The following LDLRAD3 variants were observed in gnomAD, a reference collection of about 807,000 sequenced individuals.
LDLRAD3 encodes the protein low density lipoprotein receptor class A domain containing 3, also known as low-density lipoprotein receptor class A domain-containing protein 3.
A neutral mutation model predicts 29.4 loss-of-function variants in LDLRAD3; 20 were observed. The ratio of observed to expected loss-of-function variants is 0.68; its 90% CI spans 0.48 to 0.99. LDLRAD3 has a LOEUF of 0.99. Among genes scored for constraint, LDLRAD3 ranks in the 50% least tolerant of loss-of-function variants. The pLI is 0.00. For missense variants in LDLRAD3, 420 were observed against 454.3 expected (o/e 0.92, Z 0.69); for synonymous variants, 157 against 192.7 (o/e 0.81, Z 1.53).
intron 2 of LDLRAD3, among the ~76,000 whole-genome samples, chr11:36,059,962 A>C (rs1337534495): frequency 6.6e-6 from 1 of 152,222 alleles, no homozygotes; most frequent in African/African-American, 2.4e-5. Flanking sequence ...GAGACTAAAA[A>C]GTCTAAGTGC....
chr11:36,038,950 A>G (rs867901753), intron 2 of LDLRAD3, among the ~76,000 whole-genome samples: 2 of 148,252 alleles, frequency 1.3e-5, no homozygotes, highest in South Asian at 4.3e-4. Flanking sequence ...AACAAATTCT[A>G]CTTTCATTTA....
intron 3 of LDLRAD3, among the ~76,000 whole-genome samples, chr11:36,089,091 T>C (rs1374696043): frequency 6.6e-6 from 1 of 152,152 alleles, no homozygotes; most frequent in Non-Finnish European, 1.5e-5. Flanking sequence ...GCGACAAACA[T>C]ATACTGAATA....
intron 1 of LDLRAD3, among the ~76,000 whole-genome samples, chr11:35,951,097 A>T (rs1385045652): frequency 2.0e-5 from 3 of 151,496 alleles, no homozygotes; most frequent in African/African-American, 4.9e-5. Context: ...ATAAAAAATT[A>T]AAAAAAAATA....
chr11:35,995,592 T>C (rs906238988), intron 1 of LDLRAD3, among the ~76,000 whole-genome samples: 1 of 152,236 alleles, frequency 6.6e-6, no homozygotes, highest in African/African-American at 2.4e-5. Flanking sequence ...TCCTGTGAAA[T>C]TTGAAGCCAG....
chr11:36,084,066 G>A (rs1009140380), intron 3 of LDLRAD3, among the ~76,000 whole-genome samples: 1 of 151,460 alleles, frequency 6.6e-6, no homozygotes, highest in Non-Finnish European at 1.5e-5. Flanking sequence ...TCACAGGAGT[G>A]TGCCACCACA....
At chr11:36,198,122 T>G (rs1426782540) in intron 4 of LDLRAD3, among the ~76,000 whole-genome samples, 1 of 152,122 alleles carries the variant, frequency 6.6e-6, no homozygotes, top group East Asian at 1.9e-4. Flanking sequence ...GAAAGAGAGA[T>G]AACTAGATTT....
intron 1 of LDLRAD3, among the ~76,000 whole-genome samples, chr11:35,983,254 C>G (rs1242195010): frequency 6.6e-6 from 1 of 152,238 alleles, no homozygotes; most frequent in African/African-American, 2.4e-5. Context: ...AGATAAGGAT[C>G]ATATATCAAC....
At chr11:36,182,625 C>T (rs1475426639) in intron 4 of LDLRAD3, among the ~76,000 whole-genome samples, 3 of 152,138 alleles carry the variant, frequency 2.0e-5, no homozygotes, top group Non-Finnish European at 2.9e-5. Context: ...GAGATTTGCT[C>T]CTCCTCTTGG....
chr11:36,131,616 A>G (rs1312104921), intron 4 of LDLRAD3, among the ~76,000 whole-genome samples: 2 of 152,232 alleles, frequency 1.3e-5, no homozygotes, highest in African/African-American at 2.4e-5. Flanking sequence ...TATACATAAC[A>G]GAAAACCTAC....
chr11:36,154,353 G>A (rs889803025), intron 4 of LDLRAD3, among the ~76,000 whole-genome samples: 4 of 152,172 alleles, frequency 2.6e-5, no homozygotes, highest in African/African-American at 9.7e-5. Flanking sequence ...GTGTCCAAGA[G>A]ATGACTAGAC....
chr11:36,030,367 C>T (rs1016372746), intron 1 of LDLRAD3, among the ~76,000 whole-genome samples: 2 of 152,106 alleles, frequency 1.3e-5, no homozygotes, highest in Admixed American at 6.5e-5. Flanking sequence ...TCTTCAGGGA[C>T]TTTCTGGGGA....
intron 1 of LDLRAD3, among the ~76,000 whole-genome samples, chr11:35,966,115 G>A (rs1213394563): frequency 6.6e-6 from 1 of 152,136 alleles, no homozygotes; most frequent in African/African-American, 2.4e-5. Context: ...TTTGTCTTTC[G>A]ACAAGATAAA....
chr11:36,228,927 G>A (rs962713531), intron 5 of LDLRAD3, among the ~76,000 whole-genome samples: 1 of 152,246 alleles, frequency 6.6e-6, no homozygotes, highest in Non-Finnish European at 1.5e-5. Context: ...CCCAGAGGAT[G>A]TGGTTTTGGC....
chr11:36,032,766 C>T lies in LDLRAD3; in HGVS notation c.47-3337C>T, dbSNP rs140349404. ...GGTTGAAAAGGGCAAGAGATAATGGCGGCTTGGATTGGGTGGTGCCAGTTG... is the reference window on the plus strand; with the variant it reads ...GGTTGAAAAGGGCAAGAGATAATGGTGGCTTGGATTGGGTGGTGCCAGTTG... On this transcript the variant is annotated intron_variant, in intron 1 of 5. Coordinates refer to ENST00000315571, the MANE Select transcript of LDLRAD3 (RefSeq NM_174902.4). Among the ~76,000 whole-genome samples the T allele has an allele frequency of 6.8e-4, 104 of 152,194 alleles. 1 individual carries two copies. The East Asian group carries it at 0.016, about 24-fold the overall frequency.
At chr11:36,170,313 C>CGTATATATGTATATAT (rs55659003) in intron 4 of LDLRAD3, among the ~76,000 whole-genome samples, 8 of 145,550 alleles carry the variant, frequency 5.5e-5, no homozygotes, top group Admixed American at 1.4e-4. Flanking sequence ...TACATATATA[C>CGTATATATGTATATAT]GTATATATGT....
chr11:36,175,036 C>T (rs1266415781), intron 4 of LDLRAD3, among the ~76,000 whole-genome samples: 1 of 152,032 alleles, frequency 6.6e-6, no homozygotes, highest in East Asian at 1.9e-4. Flanking sequence ...AGTCAGGAAA[C>T]AACAGGTGCT....
chr11:35,968,605 C>T, intron 1 of LDLRAD3: 1 of 182,928 alleles, frequency 5.5e-6, no homozygotes, highest in South Asian at 1.4e-4. Flanking sequence ...TCTGGGCCTC[C>T]CTGCTTCCCT....
intron 4 of LDLRAD3, among the ~76,000 whole-genome samples, chr11:36,214,564 A>G (rs1855326881): frequency 6.6e-6 from 1 of 152,192 alleles, no homozygotes; most frequent in South Asian, 2.1e-4. Flanking sequence ...AACAGTGTGA[A>G]TATTTCAGCC....
chr11:36,150,256 A>C (rs1475522368), intron 4 of LDLRAD3, among the ~76,000 whole-genome samples: 1 of 152,206 alleles, frequency 6.6e-6, no homozygotes, highest in East Asian at 1.9e-4. Context: ...AGGCAGGCAC[A>C]GTGGCTCACA....
Sources: gnomAD v4.1 joint callset for allele counts (sites outside exome capture counted in the v4.1 genomes callset) on GRCh38, gnomAD v4.1.1 for gene constraint, MANE v1.5 for transcripts, NCBI Gene and HGNC (gene_info 2026-07-23, HGNC 2026-07-21) for gene names.